HTATSF1: variants seen among roughly 807,000 people sequenced by gnomAD.
HTATSF1 encodes the protein 17S U2 SnRNP complex component HTATSF1.
HTATSF1 carries 6 observed loss-of-function variants against 46.1 expected under a neutral mutation model. The ratio of observed to expected loss-of-function variants is 0.13; its 90% CI spans 0.07 to 0.26. The LOEUF (loss-of-function observed/expected upper bound fraction) is 0.26, where lower values mean the gene tolerates loss of function less well. Among genes scored for constraint, HTATSF1 ranks in the 10% least tolerant of loss-of-function variants. The probability of loss-of-function intolerance (pLI) is 1.00; values close to 1 mark genes in which losing one functional copy is unlikely to be tolerated. For synonymous variants in HTATSF1, 226 were observed against 211.5 expected (o/e 1.07, Z -0.60); for missense variants, 452 against 559.9 (o/e 0.81, Z 1.94).
intron 6 of HTATSF1, among the ~76,000 whole-genome samples, chrX:136,508,736 T>C (rs1039423214): frequency 3.6e-5 from 4 of 112,257 alleles, no homozygotes; most frequent in Non-Finnish European, 5.6e-5. Flanking sequence ...AGCAAAGGGC[T>C]CTTATCAGTG....
intron 4 of HTATSF1, 25 bp from the exon 5 acceptor site, chrX:136,502,753 T>C: frequency 9.8e-7 from 1 of 1,024,408 alleles, no homozygotes; most frequent in Non-Finnish European, 1.3e-6. Context: ...TATAACTGAC[T>C]ATATTTTGTC....
intron 5 of HTATSF1, among the ~76,000 whole-genome samples, chrX:136,504,096 C>G (rs1248399122): frequency 1.8e-5 from 2 of 111,291 alleles, no homozygotes; most frequent in Non-Finnish European, 1.9e-5. Flanking sequence ...GTCTTGAACT[C>G]CTGGCCTCAA....
Position 136,511,579 on chromosome X carries a change from G to C in HTATSF1, c.1834G>C (p.Asp612His). The change falls in exon 9 of 9, where the codon GAT becomes CAT. Residue 612 changes from aspartate to histidine, a missense_variant. By Grantham distance (81) the Asp-to-His change is moderately conservative. This residue lies in a region of HTATSF1 where 246 missense variants were observed against 245.3 expected (regional missense o/e 1.00). Transcript: ENST00000218364. ...FEDDGSEKVL[D>H]EEGSEREFDE... ...AGATGACGGCTCTGAAAAAGTGTTA[G>C]ATGAGGAAGGCTCTGAGAGAGAGTT... The C allele has an allele frequency of 8.3e-7, 1 of 1,211,225 alleles. No homozygotes were observed. Among genetic ancestry groups the C allele is most frequent in the Non-Finnish European group, 1.1e-6 (1 of 895,055 alleles).
chrX:136,511,497 T>C lies in HTATSF1; in HGVS notation c.1752T>C (p.His584=), dbSNP rs1163634287. The part of the protein sequence containing the change: ...LDEEGSEKEL[H]ENVLDKELEE... ...AGGAAGGTTCTGAAAAGGAGCTTCA[T>C]GAAAATGTTCTTGACAAAGAGTTAG... Residue 584 remains histidine, a synonymous_variant, in exon 9 of 9, where the codon CAT becomes CAC. Coordinates refer to ENST00000218364, the MANE Select transcript of HTATSF1 (RefSeq NM_014500.5). 5.8e-6 allele frequency: 7 copies of C among 1,206,794 alleles called. No homozygotes were observed. In the African/African-American group the frequency reaches 1.1e-4, roughly 18 times the overall value.
At chrX:136,502,288 T>C (rs1603306121) in intron 4 of HTATSF1, among the ~76,000 whole-genome samples, 1 of 111,969 alleles carries the variant, frequency 8.9e-6, no homozygotes, top group East Asian at 2.8e-4. Flanking sequence ...CATCTAGTCT[T>C]TTAAGTAAGA....
chrX:136,507,435 C>T (rs1042385822), intron 6 of HTATSF1, among the ~76,000 whole-genome samples: 2 of 110,963 alleles, frequency 1.8e-5, no homozygotes, highest in Non-Finnish European at 3.8e-5. Flanking sequence ...ATAGCACGCA[C>T]CTGTAATCCC....
chrX:136,512,123 G>GTT lies in HTATSF1; in HGVS notation c.*110_*111insTT, dbSNP rs2075772523. On this transcript the variant is annotated 3_prime_UTR_variant, in exon 9 of 9. Coordinates refer to ENST00000218364, the MANE Select transcript of HTATSF1 (RefSeq NM_014500.5). The stretch of plus-strand genomic sequence containing the variant: ...TGTGCATAGTGGTAGGATGCCATCA[G>GTT]ATTAAAGCATTGAAGTGTTTCATTG... The GTT allele has an allele frequency of 1.2e-5, 10 of 816,596 alleles. No individual in the cohort carries two copies. The highest frequency in any genetic ancestry group is 1.7e-5 in the Non-Finnish European group (10 of 581,021). The allele number at this position is 816,596 out of a possible 1,213,427, so 67.3% of individuals were successfully genotyped here. A position where few individuals can be genotyped will look rare whatever the true frequency, so the allele number is the denominator to read the frequency against.
At chrX:136,507,202 T>C (rs2075745898) in intron 6 of HTATSF1, among the ~76,000 whole-genome samples, 1 of 112,028 alleles carries the variant, frequency 8.9e-6, no homozygotes. Flanking sequence ...TATCCTGAGA[T>C]ATCTGAAAGG....
rs747064364 is a variant in HTATSF1, at chrX:136,510,926, C to T, written c.1181C>T (p.Ala394Val). 5.8e-6 allele frequency: 7 copies of T among 1,209,900 alleles called. No homozygotes were observed. The African/African-American group carries it at 1.1e-4, about 18-fold the overall frequency. The part of the protein sequence containing the change: ...RSDSVSASER[A>V]GPSRARHFSE... ...GATTCTGTCTCTGCTTCCGAAAGGG[C>T]AGGGCCTTCTAGAGCAAGGCATTTT... The change falls in exon 9 of 9, where the codon GCA becomes GTA. Residue 394 changes from alanine (A) to valine (V), a missense_variant. By Grantham distance (64) the Ala-to-Val change is moderately conservative (BLOSUM62 0). This residue lies in a region of HTATSF1 where 117 missense variants were observed against 222.2 expected (regional missense o/e 0.53). Coordinates refer to ENST00000218364, the MANE Select transcript of HTATSF1 (RefSeq NM_014500.5).
intron 6 of HTATSF1, among the ~76,000 whole-genome samples, chrX:136,507,561 C>CA (rs1156406742): frequency 5.5e-4 from 46 of 84,278 alleles, no homozygotes; most frequent in South Asian, 3.5e-3. Context: ...ACTCTGTCTT[C>CA]AAAAAAAAAA....
chrX:136,501,455 G>A (rs909946503), intron 4 of HTATSF1, among the ~76,000 whole-genome samples: 1 of 112,431 alleles, frequency 8.9e-6, no homozygotes, highest in Non-Finnish European at 1.9e-5. Flanking sequence ...AAAAGAGAGA[G>A]TGGTATTAAG....
chrX:136,504,911 T>A (rs989113494), intron 6 of HTATSF1, among the ~76,000 whole-genome samples: 163 of 112,130 alleles, frequency 1.5e-3, no homozygotes, highest in African/African-American at 4.9e-3. Context: ...GAACAGCAAG[T>A]AAAAGTGAAT....
intron 1 of HTATSF1, among the ~76,000 whole-genome samples, chrX:136,499,047 A>G (rs2075705441): frequency 8.8e-6 from 1 of 113,232 alleles, no homozygotes; most frequent in South Asian, 3.5e-4. Flanking sequence ...TGATAAAGTT[A>G]AAATGAGCAT....
intron 6 of HTATSF1, among the ~76,000 whole-genome samples, chrX:136,507,180 G>C (rs1477098859): frequency 9.0e-6 from 1 of 111,723 alleles, no homozygotes; most frequent in African/African-American, 3.3e-5. Context: ...AACAAAAACT[G>C]AATTGTCAGG....
In HTATSF1 at chrX:136,500,198, C is replaced by T. The variant is rs764752999; in HGVS notation, c.408C>T (p.Tyr136=). 1.1e-5 allele frequency: 12 copies of T among 1,093,129 alleles called. No homozygotes were observed. In the African/African-American group the frequency reaches 1.1e-4, roughly 10 times the overall value. 90.1% of individuals were successfully genotyped at this position (1,093,129 alleles called of 1,213,427 possible). The part of the protein sequence containing the change: ...HVEEDRNTNV[Y]VSGLPPDITV... ...AAGAAGACAGAAATACAAATGTATACGTGTCTGGTATGTATAACTTTTTAA... is the reference window on the plus strand; with the variant it reads ...AAGAAGACAGAAATACAAATGTATATGTGTCTGGTATGTATAACTTTTTAA... Residue 136 remains tyrosine (Y), a synonymous_variant, in exon 3 of 9, where the codon TAC becomes TAT. Coordinates refer to ENST00000218364, the MANE Select transcript of HTATSF1 (RefSeq NM_014500.5).
rs1272593298 is a variant in HTATSF1 at position 136,511,449 on chromosome X, T to C, written c.1704T>C (p.Asn568=). Residue 568 remains asparagine (N), a synonymous_variant, in exon 9 of 9, where the codon AAT becomes AAC. Coordinates refer to ENST00000218364, the MANE Select transcript of HTATSF1 (RefSeq NM_014500.5). ...GCTCCGAAAGAGAATTTGAAGAAAA[T>C]GGTCTCGAGAAAGATTTGGACGAGG... ...EDGSEREFEE[N]GLEKDLDEEG... 1 of 1,209,979 alleles carries C rather than the reference T, an allele frequency of 8.3e-7. No homozygotes were observed. The highest frequency in any genetic ancestry group is 3.0e-5 in the East Asian group (1 of 33,794).
At chrX:136,502,265 C>T (rs1275483944) in intron 4 of HTATSF1, among the ~76,000 whole-genome samples, 1 of 111,608 alleles carries the variant, frequency 9.0e-6, no homozygotes, top group African/African-American at 3.3e-5. Flanking sequence ...ATGGTGTTCC[C>T]AATTCCTTGA....
chrX:136,508,979 C>T (rs1033733083), intron 6 of HTATSF1, 112 bp from the exon 7 acceptor site: 23 of 552,741 alleles, frequency 4.2e-5, no homozygotes, highest in Non-Finnish European at 6.6e-5. Flanking sequence ...AAAAACACAA[C>T]CTTAAGCAAA....
At chrX:136,508,289 T>C (rs1319473654) in intron 6 of HTATSF1, among the ~76,000 whole-genome samples, 1 of 112,389 alleles carries the variant, frequency 8.9e-6, no homozygotes, top group African/African-American at 3.2e-5. Flanking sequence ...TTTATATTTG[T>C]ATATAGTTGA....
Sources: gnomAD v4.1 joint callset for allele counts (sites outside exome capture counted in the v4.1 genomes callset) on GRCh38, gnomAD v4.1.1 for gene constraint, gnomAD v4.1.1 regional missense constraint, MANE v1.5 for transcripts, NCBI Gene and HGNC (gene_info 2026-07-23, HGNC 2026-07-21) for gene names.